IL1RAPL1: variants seen among roughly 807,000 people sequenced by gnomAD.
IL1RAPL1 encodes interleukin 1 receptor accessory protein like 1.
In IL1RAPL1, 3 loss-of-function variants were observed where a neutral mutation model predicts 48.4. The observed-to-expected ratio is 0.06, with a 90% confidence interval of 0.03 to 0.16. IL1RAPL1 has a LOEUF of 0.16. Ranked by LOEUF, IL1RAPL1 falls within the 10% of genes least tolerant of loss-of-function variation. The probability of loss-of-function intolerance (pLI) is 1.00; values close to 1 mark genes in which losing one functional copy is unlikely to be tolerated. For synonymous variants in IL1RAPL1, 185 were observed against 187.7 expected (o/e 0.99, Z 0.12); for missense variants, 349 against 530.6 (o/e 0.66, Z 3.36).
At chrX:29,006,647 A>ATGTGTGTGTGTGTG (rs547186942) in intron 2 of IL1RAPL1, among the ~76,000 whole-genome samples, 49 of 76,929 alleles carry the variant, frequency 6.4e-4, no homozygotes, top group African/African-American at 1.7e-3. Context: ...GTTTATATAT[A>ATGTGTGTGTGTGTG]TGTGTGTGTG....
intron 5 of IL1RAPL1, among the ~76,000 whole-genome samples, chrX:29,435,009 C>T (rs1020276916): frequency 9.0e-6 from 1 of 110,960 alleles, no homozygotes; most frequent in African/African-American, 3.3e-5. Flanking sequence ...CAATTTCTGT[C>T]TGTGGATTTG....
At chrX:29,167,684 C>T (rs1929813083) in intron 2 of IL1RAPL1, among the ~76,000 whole-genome samples, 1 of 110,634 alleles carries the variant, frequency 9.0e-6, no homozygotes, top group Non-Finnish European at 1.9e-5. Flanking sequence ...CTTTCCAGAT[C>T]TCTTTCCTGA....
rs993693213 is a variant in IL1RAPL1 at position 29,336,086 on chromosome X, TA to T, written c.362+52870del. Among the ~76,000 whole-genome samples the T allele has an allele frequency of 1.0e-4, 11 of 105,365 alleles. No homozygotes were observed. The East Asian group carries it at 2.3e-3, about 22-fold the overall frequency. 91.5% of individuals were successfully genotyped at this position (105,365 alleles called of 115,157 possible). ...GTATTAAAAAAATATATATGTATAT[TA>T]TACGTATATATTTTATATACATAAA... On this transcript the variant is annotated intron_variant, in intron 3 of 10. Transcript: ENST00000378993.
intron 2 of IL1RAPL1, among the ~76,000 whole-genome samples, chrX:29,169,494 A>T (rs1010086810): frequency 2.7e-5 from 3 of 110,863 alleles, no homozygotes; most frequent in East Asian, 2.8e-4. Context: ...CCAAAATCTC[A>T]TATGAAAAAA....
At chrX:29,818,312 A>G (rs747596473) in intron 6 of IL1RAPL1, among the ~76,000 whole-genome samples, 1 of 112,409 alleles carries the variant, frequency 8.9e-6, no homozygotes, top group African/African-American at 3.2e-5. Context: ...GTGAAGGATA[A>G]AAGAAGAGGA....
chrX:28,903,828 A>G (rs1923147062), intron 2 of IL1RAPL1, among the ~76,000 whole-genome samples: 1 of 110,882 alleles, frequency 9.0e-6, no homozygotes, highest in Admixed American at 9.7e-5. Flanking sequence ...TGTGTATTTT[A>G]AGATACTTTG....
intron 5 of IL1RAPL1, among the ~76,000 whole-genome samples, chrX:29,406,177 C>G (rs1934064682): frequency 9.0e-6 from 1 of 111,243 alleles, no homozygotes; most frequent in Admixed American, 9.6e-5. Context: ...ATCACAAGGT[C>G]AGGAGATCAA....
intron 2 of IL1RAPL1, among the ~76,000 whole-genome samples, chrX:29,205,877 G>T (rs900930254): frequency 2.8e-5 from 3 of 107,218 alleles, no homozygotes; most frequent in Non-Finnish European, 3.8e-5. Flanking sequence ...TGGGACTACA[G>T]GAGCATGCCA....
intron 6 of IL1RAPL1, among the ~76,000 whole-genome samples, chrX:29,769,110 T>A (rs1318388130): frequency 9.0e-6 from 1 of 111,717 alleles, no homozygotes; most frequent in African/African-American, 3.3e-5. Context: ...TTCCATATAT[T>A]TCATAGAAAT....
intron 5 of IL1RAPL1, among the ~76,000 whole-genome samples, chrX:29,409,470 G>C (rs1934113627): frequency 9.0e-6 from 1 of 111,644 alleles, no homozygotes; most frequent in Admixed American, 9.6e-5. Context: ...GCTCTTTCAT[G>C]AGTGGTTTCC....
intron 3 of IL1RAPL1, among the ~76,000 whole-genome samples, chrX:29,347,390 CT>C (rs778833024): frequency 8.7e-4 from 84 of 96,379 alleles, no homozygotes; most frequent in Middle Eastern, 5.3e-3. Flanking sequence ...CTTTTCTTTT[CT>C]TTTTTTTTTT....
chrX:29,919,852 GGTA>G (rs1416154288), intron 7 of IL1RAPL1, 94 bp from the exon 8 acceptor site: 1 of 825,265 alleles, frequency 1.2e-6, no homozygotes, highest in Non-Finnish European at 1.8e-6. Flanking sequence ...AGATTTTGTA[GGTA>G]GTTTTACATC....
intron 1 of IL1RAPL1, among the ~76,000 whole-genome samples, chrX:28,589,024 G>A (rs1224910953): frequency 8.9e-6 from 1 of 111,792 alleles, no homozygotes; most frequent in Non-Finnish European, 1.9e-5. Context: ...GAACACTAAG[G>A]ATGTTTAAGC....
intron 2 of IL1RAPL1, among the ~76,000 whole-genome samples, chrX:29,107,595 G>T (rs73210056): frequency 0.037 from 4,097 of 110,930 alleles, 71 homozygotes; most frequent in Middle Eastern, 0.066. Flanking sequence ...TTGAACCTTT[G>T]CCCATTAAAA....
At chrX:29,343,375 A>G (rs1015647337) in intron 3 of IL1RAPL1, among the ~76,000 whole-genome samples, 1 of 111,501 alleles carries the variant, frequency 9.0e-6, no homozygotes, top group Non-Finnish European at 1.9e-5. Context: ...GTAAGGACCC[A>G]GAAGTGGTAC....
chrX:28,951,682 C>G (rs1205078337), intron 2 of IL1RAPL1, among the ~76,000 whole-genome samples: 2 of 111,089 alleles, frequency 1.8e-5, no homozygotes, highest in Non-Finnish European at 3.8e-5. Context: ...TTATCATTTA[C>G]AGCCCCAATT....
intron 2 of IL1RAPL1, among the ~76,000 whole-genome samples, chrX:28,965,080 T>G (rs72625521): frequency 0.011 from 1,218 of 111,263 alleles, 40 homozygotes; most frequent in East Asian, 0.093. Flanking sequence ...AGCTCAGAAG[T>G]CAAAGTCCTT....
chrX:29,345,768 G>C (rs1016527094), intron 3 of IL1RAPL1, among the ~76,000 whole-genome samples: 4 of 110,859 alleles, frequency 3.6e-5, no homozygotes, highest in Non-Finnish European at 7.6e-5. Context: ...TTTATTTTGT[G>C]AATAGTCTAT....
At chrX:28,664,918 A>G (rs184217354) in intron 1 of IL1RAPL1, among the ~76,000 whole-genome samples, 2 of 93,564 alleles carry the variant, frequency 2.1e-5, no homozygotes, top group African/African-American at 3.6e-5. Flanking sequence ...TAGACTCTAA[A>G]TCTGGTCTCC....
Sources: allele counts gnomAD v4.1 joint callset (sites outside exome capture counted in the v4.1 genomes callset), GRCh38; gene constraint gnomAD v4.1.1; transcripts MANE v1.5; gene names NCBI Gene and HGNC (gene_info 2026-07-23, HGNC 2026-07-21).